SEMA5A: variants seen among roughly 807,000 people sequenced by gnomAD.
SEMA5A encodes the protein semaphorin 5A.
A neutral mutation model predicts 135.5 loss-of-function variants in SEMA5A; 55 were observed. The observed-to-expected ratio is 0.41, with a 90% CI of 0.33 to 0.51. SEMA5A has a LOEUF of 0.51. Ranked by LOEUF, SEMA5A falls within the 20% of genes least tolerant of loss-of-function variation. The pLI, the probability that SEMA5A is intolerant of heterozygous loss-of-function variation, is 0.37. For synonymous variants in SEMA5A, 580 were observed against 546.5 expected, an observed-to-expected ratio of 1.06 and a Z score of -0.85; for missense variants, 1,290 against 1,419.9, an observed-to-expected ratio of 0.91 and a Z score of 1.47.
chr5:9,051,940 C>T lies in SEMA5A; in HGVS notation c.2778G>A (p.Met926Ile). 1 of 1,614,160 alleles carries T rather than the reference C, an allele frequency of 6.2e-7. No individual in the cohort carries two copies. Among genetic ancestry groups the T allele is most frequent in the Non-Finnish European group, 8.5e-7 (1 of 1,180,024 alleles). ...RARQCILLFPMGSQCSGNTTE... is the reference protein window; with the variant it reads ...RARQCILLFPIGSQCSGNTTE... ...TGGTGTTCCCGGAGCACTGGCTGCCCATGGGGAACAGGAGGATGCACTGGC... is the reference window on the plus strand; with the variant it reads ...TGGTGTTCCCGGAGCACTGGCTGCCTATGGGGAACAGGAGGATGCACTGGC... The change falls in exon 20 of 23, where the codon ATG (methionine) becomes ATA (isoleucine). Residue 926 changes from methionine to isoleucine, a missense_variant. This residue lies in a region of SEMA5A where 1,029 missense variants were observed against 1,086.6 expected (regional missense o/e 0.95). Transcript: ENST00000382496.
intron 5 of SEMA5A, among the ~76,000 whole-genome samples, chr5:9,276,777 G>C (rs563247960): frequency 2.3e-4 from 35 of 152,170 alleles, no homozygotes; most frequent in African/African-American, 8.2e-4. Context: ...AACTGAAACT[G>C]GATCCCTTCC....
At chr5:9,207,970 A>T (rs1746140104) in intron 8 of SEMA5A, among the ~76,000 whole-genome samples, 1 of 152,174 alleles carries the variant, frequency 6.6e-6, no homozygotes, top group African/African-American at 2.4e-5. Context: ...ATATGTGTGT[A>T]TCACATACAT....
In SEMA5A at chr5:9,326,632, A is replaced by T. The variant is rs897630381; in HGVS notation, c.225-8215T>A. ...CTACCCCTACTAAATATACAAAAAA[A>T]TTAGCTGGGCGTAGTGGTGCACAAC... On this transcript the variant is annotated intron_variant, in intron 4 of 22. Transcript: ENST00000382496. Among the ~76,000 whole-genome samples, 4 of 151,720 alleles carry T rather than the reference A, an allele frequency of 2.6e-5. No individual in the cohort carries two copies. The East Asian group carries it at 5.9e-4, about 22-fold the overall frequency.
intron 16 of SEMA5A, among the ~76,000 whole-genome samples, chr5:9,069,018 C>T (rs936753735): frequency 1.3e-5 from 2 of 152,170 alleles, no homozygotes; most frequent in African/African-American, 4.8e-5. Flanking sequence ...TGATGACGTA[C>T]AGGGAAGGTG....
chr5:9,386,644 A>T (rs888469553), intron 2 of SEMA5A, among the ~76,000 whole-genome samples: 1 of 152,212 alleles, frequency 6.6e-6, no homozygotes, highest in Admixed American at 6.5e-5. Flanking sequence ...GCTCCTTTCC[A>T]GAAACCCAGA....
At chr5:9,043,215 GT>G in intron 22 of SEMA5A, 199 bp from the exon 23 acceptor site, 1 of 487,636 alleles carries the variant, frequency 2.1e-6, no homozygotes, top group Non-Finnish European at 3.6e-6. Context: ...AAGGTTGGCA[GT>G]TTGTGATATC....
intron 3 of SEMA5A, among the ~76,000 whole-genome samples, chr5:9,365,478 A>AT (rs1754876406): frequency 6.6e-6 from 1 of 151,906 alleles, no homozygotes; most frequent in Admixed American, 6.6e-5. Flanking sequence ...TCATTGCTTG[A>AT]TTTTTTTGCA....
chr5:9,161,203 C>A (rs1743235036), intron 11 of SEMA5A, among the ~76,000 whole-genome samples: 4 of 151,872 alleles, frequency 2.6e-5, no homozygotes, highest in Admixed American at 1.3e-4. Context: ...GTAAAGCTAC[C>A]AGGATAAATT....
At position 9,088,637 on chromosome 5, in the gene SEMA5A, A is replaced by AATATATATAT. The variant is rs71611400; in HGVS notation, c.2073+19493_2073+19502dup. 2.7e-3 allele frequency among the ~76,000 whole-genome samples: 295 copies of AATATATATAT among 108,086 alleles called. 4 individuals carry two copies. Among genetic ancestry groups the AATATATATAT allele is most frequent in the African/African-American group, 6.4e-3 (152 of 23,610 alleles). 70.9% of individuals were successfully genotyped at this position (108,086 alleles called of 152,430 possible). A position where few individuals can be genotyped will look rare whatever the true frequency, so the allele number is the denominator to read the frequency against. ...GCAGCAGCAGGAAGCCTACATTTAT[A>AATATATATAT]ATATATATATATATATATATATACA... On this transcript the variant is annotated intron_variant, in intron 16 of 22. Coordinates refer to ENST00000382496, the MANE Select transcript of SEMA5A (RefSeq NM_003966.3).
chr5:9,463,239 A>C (rs1305279710), intron 1 of SEMA5A, among the ~76,000 whole-genome samples: 2 of 152,120 alleles, frequency 1.3e-5, no homozygotes, highest in Non-Finnish European at 2.9e-5. Context: ...CTGACAACGA[A>C]TTCTAAATAA....
At chr5:9,441,616 C>T (rs1397403363) in intron 1 of SEMA5A, among the ~76,000 whole-genome samples, 1 of 152,092 alleles carries the variant, frequency 6.6e-6, no homozygotes, top group East Asian at 1.9e-4. Context: ...ATAAGAATCA[C>T]AGACAGAAAT....
At chr5:9,340,451 C>A (rs992855593) in intron 3 of SEMA5A, among the ~76,000 whole-genome samples, 1 of 152,166 alleles carries the variant, frequency 6.6e-6, no homozygotes, top group African/African-American at 2.4e-5. Context: ...CCCATGCATT[C>A]ATCTTTCTTT....
chr5:9,382,569 T>A (rs1157632768), intron 2 of SEMA5A, among the ~76,000 whole-genome samples: 1 of 152,148 alleles, frequency 6.6e-6, no homozygotes, highest in African/African-American at 2.4e-5. Flanking sequence ...ATAATTGAAA[T>A]TTTGAAATTG....
chr5:9,065,388 C>T (rs1259129974), intron 17 of SEMA5A, among the ~76,000 whole-genome samples: 1 of 152,210 alleles, frequency 6.6e-6, no homozygotes, highest in Admixed American at 6.5e-5. Flanking sequence ...AGGAGATCTA[C>T]CAAACCTCCA....
chr5:9,446,973 G>C (rs1249941906), intron 1 of SEMA5A, among the ~76,000 whole-genome samples: 1 of 152,202 alleles, frequency 6.6e-6, no homozygotes, highest in Non-Finnish European at 1.5e-5. Context: ...AGCTGAGGCA[G>C]ACAAGTCTGT....
intron 5 of SEMA5A, among the ~76,000 whole-genome samples, chr5:9,299,709 G>A (rs1751514987): frequency 6.6e-6 from 1 of 152,126 alleles, no homozygotes; most frequent in African/African-American, 2.4e-5. Flanking sequence ...TGGGAAGGAG[G>A]CCATAAATGT....
At chr5:9,298,564 A>G (rs954266124) in intron 5 of SEMA5A, among the ~76,000 whole-genome samples, 6 of 152,202 alleles carry the variant, frequency 3.9e-5, no homozygotes, top group African/African-American at 1.4e-4. Flanking sequence ...GTTTTTTTAA[A>G]AGTTCTCTCC....
intron 2 of SEMA5A, among the ~76,000 whole-genome samples, chr5:9,412,105 G>A (rs1348015991): frequency 6.6e-6 from 1 of 152,216 alleles, no homozygotes; most frequent in South Asian, 2.1e-4. Flanking sequence ...CAGGACTAGG[G>A]CATTTGTTTA....
At chr5:9,210,888 C>T (rs1447260131) in intron 8 of SEMA5A, among the ~76,000 whole-genome samples, 1 of 152,132 alleles carries the variant, frequency 6.6e-6, no homozygotes, top group African/African-American at 2.4e-5. Flanking sequence ...GTAATAACTA[C>T]AAGTAACAGA....
Sources: allele counts gnomAD v4.1 joint callset (sites outside exome capture counted in the v4.1 genomes callset), GRCh38; gene constraint gnomAD v4.1.1; regional missense constraint gnomAD v4.1.1; transcripts MANE v1.5; gene names NCBI Gene and HGNC (gene_info 2026-07-23, HGNC 2026-07-21).